Variants in MTMR14 observed in about 807,000 individuals in gnomAD.
MTMR14 encodes the protein phosphatidylinositol-3,5-bisphosphate 3-phosphatase MTMR14.
In MTMR14, 48 loss-of-function variants were observed where a neutral mutation model predicts 86.3. That is an observed-to-expected ratio of 0.56 (90% CI 0.44 to 0.71). The LOEUF (loss-of-function observed/expected upper bound fraction) is 0.71, where lower values mean the gene tolerates loss of function less well. Ranked by LOEUF, MTMR14 falls within the 30% of genes least tolerant of loss-of-function variation. MTMR14 has a pLI of 0.00. For missense variants in MTMR14, 780 were observed against 834.6 expected, an observed-to-expected ratio of 0.93 and a Z score of 0.81; for synonymous variants, 366 against 326.1, an observed-to-expected ratio of 1.12 and a Z score of -1.32.
chr3:9,695,411 T>C (rs958071748), intron 17 of MTMR14, among the ~76,000 whole-genome samples: 1 of 152,218 alleles, frequency 6.6e-6, no homozygotes, highest in Non-Finnish European at 1.5e-5. Context: ...CTGCAGAAGA[T>C]GGCTGCTTGC....
At chr3:9,666,427 C>T (rs1425017188) in intron 3 of MTMR14, among the ~76,000 whole-genome samples, 1 of 152,208 alleles carries the variant, frequency 6.6e-6, no homozygotes, top group East Asian at 1.9e-4. Context: ...GCCACCACAC[C>T]TGGCCAATGC....
intron 1 of MTMR14, 70 bp downstream of exon 1, chr3:9,649,812 C>A: frequency 6.3e-7 from 1 of 1,591,984 alleles, no homozygotes; most frequent in South Asian, 1.1e-5. Flanking sequence ...AGGCTGAGGC[C>A]AGGGGTCAGA....
At chr3:9,659,923 G>A in intron 2 of MTMR14, 1 of 439,048 alleles carries the variant, frequency 2.3e-6, no homozygotes. Flanking sequence ...ATCCACCTTG[G>A]TTTTGAGGCT....
intron 3 of MTMR14, 31 bp from the exon 4 acceptor site, chr3:9,668,688 T>C (rs763916493): frequency 1.2e-6 from 2 of 1,612,790 alleles, no homozygotes; most frequent in Admixed American, 1.7e-5. Flanking sequence ...CAGAAAACCA[T>C]CTGACCGTGA....
chr3:9,662,005 T>A (rs565211402), intron 2 of MTMR14, among the ~76,000 whole-genome samples: 1 of 151,856 alleles, frequency 6.6e-6, no homozygotes, highest in African/African-American at 2.4e-5. Flanking sequence ...GGAGAATTGC[T>A]TGAACCCGGG....
chr3:9,661,043 C>T (rs974755595), intron 2 of MTMR14, among the ~76,000 whole-genome samples: 2 of 152,196 alleles, frequency 1.3e-5, no homozygotes, highest in African/African-American at 4.8e-5. Flanking sequence ...CTCTCAAGTT[C>T]TAGAAGCTCA....
chr3:9,670,969 T>C, intron 5 of MTMR14, 79 bp from the exon 6 acceptor site: 1 of 1,583,264 alleles, frequency 6.3e-7, no homozygotes, highest in African/African-American at 1.3e-5. Context: ...ACATCCATAC[T>C]TCCCTGAATG....
rs908595575 is a variant in MTMR14 at position 9,656,150 on chromosome 3, G to A, written c.308+2381G>A. On this transcript the variant is annotated intron_variant, in intron 2 of 18. Coordinates refer to ENST00000296003, the MANE Select transcript of MTMR14 (RefSeq NM_001077525.3). ...GCGGAGACTGCACTGAGCCAAGATC[G>A]AACCACTGCATTCCAGCCTGGCGAC... Among the ~76,000 whole-genome samples, 9 of 151,892 alleles carry A rather than the reference G, an allele frequency of 5.9e-5. No homozygotes were observed. The East Asian group carries it at 7.8e-4, about 13-fold the overall frequency.
intron 6 of MTMR14, 67 bp from the exon 7 acceptor site, chr3:9,672,617 AT>A (rs2048629881): frequency 7.4e-7 from 1 of 1,345,722 alleles, no homozygotes; most frequent in Non-Finnish European, 1.1e-6. Flanking sequence ...TATAACCCTT[AT>A]TTGGGGAATG....
In MTMR14 at chr3:9,701,032, T is replaced by C. The variant is rs1452158117; in HGVS notation, c.1770-758T>C. On this transcript the variant is annotated intron_variant, in intron 18 of 18. Coordinates refer to ENST00000296003, the MANE Select transcript of MTMR14 (RefSeq NM_001077525.3). The surrounding 1 kb of genome is among the most constrained non-coding windows in gnomAD (Gnocchi z 4.2). The stretch of plus-strand genomic sequence containing the variant: ...CAGGGTTTTGCCATGTTGGCCAAGC[T>C]AGTCTCGAACTCCTGACCTGCCTCG... 4 of 152,304 alleles carry C rather than the reference T, an allele frequency of 2.6e-5. No individual in the cohort carries two copies. The highest frequency in any genetic ancestry group is 4.4e-5 in the Non-Finnish European group (3 of 68,140). The allele number at this position is 152,304 out of a possible 1,614,324, so 9.4% of individuals were successfully genotyped here. A position where few individuals can be genotyped will look rare whatever the true frequency, so the allele number is the denominator to read the frequency against.
chr3:9,687,947 T>C (rs1279927271), intron 14 of MTMR14, 56 bp downstream of exon 14: 1 of 1,437,752 alleles, frequency 7.0e-7, no homozygotes, highest in Non-Finnish European at 9.6e-7. Flanking sequence ...GAAGGGCTGC[T>C]CCCTGGGAGG....
intron 9 of MTMR14, among the ~76,000 whole-genome samples, chr3:9,679,066 T>C (rs1044496563): frequency 6.6e-6 from 1 of 152,246 alleles, no homozygotes; most frequent in African/African-American, 2.4e-5. Context: ...TGGGTGCTCC[T>C]AGATCACCAA....
intron 13 of MTMR14, among the ~76,000 whole-genome samples, chr3:9,687,084 C>T (rs980240972): frequency 6.6e-6 from 1 of 152,200 alleles, no homozygotes; most frequent in East Asian, 1.9e-4. Flanking sequence ...CCTTTCCTTT[C>T]CATTATGTTC....
At chr3:9,662,410 T>A (rs1338039448) in intron 3 of MTMR14, 35 bp downstream of exon 3, 1 of 1,563,178 alleles carries the variant, frequency 6.4e-7, no homozygotes, top group Non-Finnish European at 8.8e-7. Context: ...GCTCCACGAC[T>A]CTCTTCTGGG....
chr3:9,691,743 T>C (rs1392157945), intron 17 of MTMR14, among the ~76,000 whole-genome samples: 1 of 152,174 alleles, frequency 6.6e-6, no homozygotes, highest in African/African-American at 2.4e-5. Flanking sequence ...TTGTAGCCAG[T>C]CCAGGATGGC....
At chr3:9,661,944 A>G (rs1378112315) in intron 2 of MTMR14, among the ~76,000 whole-genome samples, 2 of 151,948 alleles carry the variant, frequency 1.3e-5, no homozygotes, top group East Asian at 3.9e-4. Flanking sequence ...AAAATTACCC[A>G]GGTGTGGTGG....
chr3:9,688,772 A>G lies in MTMR14; in HGVS notation c.1294+18A>G, dbSNP rs1187603062. On this transcript the variant is annotated intron_variant, in intron 15 of 18. Transcript: ENST00000296003. ...CATGCTGAGTGAGTCCTGGGCCCCA[A>G]CAGACTTCCCTTCCTCCATACATCT... The G allele has an allele frequency of 6.8e-6, 11 of 1,613,824 alleles. No homozygotes were observed. The highest frequency in any genetic ancestry group is 9.3e-6 in the Non-Finnish European group (11 of 1,179,972).
At chr3:9,688,794 A>G (rs952299266) in intron 15 of MTMR14, 40 bp downstream of exon 15, 1 of 1,612,382 alleles carries the variant, frequency 6.2e-7, no homozygotes, top group Non-Finnish European at 8.5e-7. Flanking sequence ...TCCTCCATAC[A>G]TCTTCCCGTG....
chr3:9,680,573 C>T (rs11926501), intron 9 of MTMR14, among the ~76,000 whole-genome samples: 7,386 of 152,266 alleles, frequency 0.049, 213 homozygotes, highest in Admixed American at 0.076. Flanking sequence ...TGGCCGGGCA[C>T]GGTGGCTCAT....
Sources: allele counts gnomAD v4.1 joint callset (sites outside exome capture counted in the v4.1 genomes callset), GRCh38; gene constraint gnomAD v4.1.1; non-coding constraint Gnocchi (gnomAD v3.1); transcripts MANE v1.5; gene names NCBI Gene and HGNC (gene_info 2026-07-23, HGNC 2026-07-21).